The following NRG3 variants were observed in gnomAD, a reference collection of about 807,000 sequenced individuals.
The protein encoded by NRG3 is neuregulin 3.
In NRG3, 31 loss-of-function variants were observed where a neutral mutation model predicts 66.9. The ratio of observed to expected loss-of-function variants is 0.46; its 90% CI spans 0.35 to 0.63. NRG3 has a LOEUF of 0.63. Ranked by LOEUF, NRG3 falls within the 20% of genes least tolerant of loss-of-function variation. The pLI, the probability that NRG3 is intolerant of heterozygous loss-of-function variation, is 0.00. For synonymous variants in NRG3, 393 were observed against 359.4 expected (o/e 1.09, Z -1.06); for missense variants, 910 against 878.9 (o/e 1.04, Z -0.45).
chr10:82,435,377 TA>T (rs200485790), intron 2 of NRG3, among the ~76,000 whole-genome samples: 3,989 of 152,236 alleles, frequency 0.026, 85 homozygotes, highest in Non-Finnish European at 0.039. Flanking sequence ...TCCATTTTGT[TA>T]AGTTTTTTCA....
At chr10:82,365,640 G>A (rs560604129) in intron 2 of NRG3, among the ~76,000 whole-genome samples, 2 of 151,924 alleles carry the variant, frequency 1.3e-5, no homozygotes, top group South Asian at 4.1e-4. Flanking sequence ...CTTCTAATTC[G>A]ACCTCTTTGT....
At chr10:82,095,264 C>T (rs1473887152) in intron 1 of NRG3, among the ~76,000 whole-genome samples, 1 of 149,680 alleles carries the variant, frequency 6.7e-6, no homozygotes, top group African/African-American at 2.5e-5. Flanking sequence ...TGTACTTTTA[C>T]ATGGGAGAAA....
chr10:82,150,122 A>C (rs191158481), intron 1 of NRG3, among the ~76,000 whole-genome samples: 1 of 152,080 alleles, frequency 6.6e-6, no homozygotes, highest in Non-Finnish European at 1.5e-5. Context: ...CAGCAACTAA[A>C]GGATTAACAG....
At chr10:82,506,534 C>G (rs1434862859) in intron 2 of NRG3, among the ~76,000 whole-genome samples, 1 of 151,930 alleles carries the variant, frequency 6.6e-6, no homozygotes, top group Non-Finnish European at 1.5e-5. Context: ...TTCCTTCCCT[C>G]TCTCCCTTCC....
chr10:82,485,989 C>T (rs1301544858), intron 2 of NRG3, among the ~76,000 whole-genome samples: 1 of 152,112 alleles, frequency 6.6e-6, no homozygotes, highest in Non-Finnish European at 1.5e-5. Flanking sequence ...TGGAAGTGGA[C>T]TTGAATAGAC....
At position 82,753,670 on chromosome 10, in the gene NRG3, C is replaced by T. The variant is rs150493558; in HGVS notation, c.1027+15020C>T. Among the ~76,000 whole-genome samples the T allele has an allele frequency of 1.3e-3, 196 of 151,610 alleles. 1 individual carries two copies. Among genetic ancestry groups the T allele is most frequent in the African/African-American group, 4.4e-3 (182 of 41,348 alleles). On this transcript the variant is annotated intron_variant, in intron 3 of 8. Coordinates refer to ENST00000372141, the MANE Select transcript of NRG3 (RefSeq NM_001010848.4). The stretch of plus-strand genomic sequence containing the variant: ...GTTTACTACCTTTAAAAAGTTCCAC[C>T]GGGAGTGGTGGCTCACACCTGCAAT...
chr10:82,048,927 G>A (rs894700444), intron 1 of NRG3, among the ~76,000 whole-genome samples: 2 of 151,998 alleles, frequency 1.3e-5, no homozygotes, highest in Admixed American at 6.6e-5. Context: ...TATCACCAGC[G>A]ATCCCACAGA....
intron 1 of NRG3, among the ~76,000 whole-genome samples, chr10:82,056,634 A>T (rs1461853558): frequency 1.3e-5 from 2 of 152,178 alleles, no homozygotes; most frequent in Non-Finnish European, 2.9e-5. Context: ...TCCATCTGGG[A>T]TTTTTCAAGT....
chr10:82,733,742 A>T (rs749927821), intron 2 of NRG3, among the ~76,000 whole-genome samples: 1 of 152,184 alleles, frequency 6.6e-6, no homozygotes, highest in Non-Finnish European at 1.5e-5. Context: ...TGTTTTCCTA[A>T]CAAGAGGAAG....
intron 1 of NRG3, among the ~76,000 whole-genome samples, chr10:82,155,861 C>T (rs1025069047): frequency 6.6e-6 from 1 of 151,722 alleles, no homozygotes. Context: ...GTAGTATGGA[C>T]ATGTACAGAA....
intron 2 of NRG3, among the ~76,000 whole-genome samples, chr10:82,564,187 A>T (rs1453270711): frequency 9.2e-5 from 14 of 152,174 alleles, no homozygotes; most frequent in Non-Finnish European, 1.5e-5. Flanking sequence ...CAACTGATTA[A>T]TGATGTCTCA....
intron 2 of NRG3, among the ~76,000 whole-genome samples, chr10:82,540,880 G>A (rs1044552644): frequency 2.0e-5 from 3 of 152,166 alleles, no homozygotes; most frequent in African/African-American, 7.2e-5. Context: ...ACCTCAGGAT[G>A]TGACTATCTT....
chr10:82,770,811 A>G (rs2059686994), intron 3 of NRG3, among the ~76,000 whole-genome samples: 1 of 152,042 alleles, frequency 6.6e-6, no homozygotes, highest in South Asian at 2.1e-4. Context: ...ATGGAACTCT[A>G]TTTTGGGTGT....
chr10:82,205,468 ACTCAGTAAGAGGTATATGAATCAGG>A (rs1283304337), intron 1 of NRG3, among the ~76,000 whole-genome samples: 3 of 152,282 alleles, frequency 2.0e-5, no homozygotes, highest in Non-Finnish European at 4.4e-5. Context: ...CAAGAAGAGA[ACTCAGTAAGAGGTATATGAATCAGG>A]CTCAGTAAGA....
chr10:82,715,818 G>T (rs1189285964), intron 2 of NRG3, among the ~76,000 whole-genome samples: 1 of 152,136 alleles, frequency 6.6e-6, no homozygotes, highest in East Asian at 1.9e-4. Context: ...GAGGCTGGAG[G>T]TTGAATTTCA....
chr10:82,007,392 T>A (rs1002728164), intron 1 of NRG3, among the ~76,000 whole-genome samples: 1 of 151,922 alleles, frequency 6.6e-6, no homozygotes, highest in African/African-American at 2.4e-5. Context: ...ATATTTTTAG[T>A]AGAGACGGGG....
At chr10:82,805,566 G>T (rs1483716384) in intron 3 of NRG3, among the ~76,000 whole-genome samples, 1 of 152,052 alleles carries the variant, frequency 6.6e-6, no homozygotes, top group Non-Finnish European at 1.5e-5. Context: ...GAAGGGGAGA[G>T]GTGTCATTGC....
At chr10:82,308,333 C>T (rs2080854873) in intron 1 of NRG3, among the ~76,000 whole-genome samples, 1 of 152,112 alleles carries the variant, frequency 6.6e-6, no homozygotes, top group South Asian at 2.1e-4. Flanking sequence ...AAGTGCTCTG[C>T]CTGCCTTGAC....
intron 2 of NRG3, among the ~76,000 whole-genome samples, chr10:82,377,110 C>T (rs2085291915): frequency 6.6e-6 from 1 of 151,960 alleles, no homozygotes; most frequent in Admixed American, 6.6e-5. Flanking sequence ...TTTTTATATT[C>T]TTTATTTGGC....
Sources: allele counts gnomAD v4.1 joint callset (sites outside exome capture counted in the v4.1 genomes callset), GRCh38; gene constraint gnomAD v4.1.1; transcripts MANE v1.5; gene names NCBI Gene and HGNC (gene_info 2026-07-23, HGNC 2026-07-21).